ARAP2: variants seen among roughly 807,000 people sequenced by gnomAD.
ARAP2 encodes arf-GAP with Rho-GAP domain, ANK repeat and PH domain-containing protein 2.
Under a neutral mutation model 194.5 loss-of-function variants are expected in ARAP2, and 148 were observed. The observed-to-expected ratio is 0.76, with a 90% CI of 0.67 to 0.87. The LOEUF (loss-of-function observed/expected upper bound fraction) is 0.87, where lower values mean the gene tolerates loss of function less well. ARAP2 is among the 40% of genes least tolerant of loss of function. The probability of loss-of-function intolerance (pLI) is 0.00; values close to 1 mark genes in which losing one functional copy is unlikely to be tolerated. For synonymous variants in ARAP2, 695 were observed against 683.5 expected, an observed-to-expected ratio of 1.02 and a Z score of -0.26; for missense variants, 2,128 against 1,989.7, an observed-to-expected ratio of 1.07 and a Z score of -1.32.
rs148118555 is a variant in ARAP2 at position 36,118,940 on chromosome 4, A to G, written c.3963+710T>C. 4.5e-4 allele frequency among the ~76,000 whole-genome samples: 68 copies of G among 151,568 alleles called. 1 individual carries two copies. The highest frequency in any genetic ancestry group is 1.2e-3 in the African/African-American group (51 of 41,504). ...GGAGAATTTAATGTCTGACTAACAAAAAAGCATTTGCCTCATTATGTATCT... is the reference window on the plus strand; with the variant it reads ...GGAGAATTTAATGTCTGACTAACAAGAAAGCATTTGCCTCATTATGTATCT... On this transcript the variant is annotated intron_variant, in intron 24 of 32. Coordinates refer to ENST00000303965, the MANE Select transcript of ARAP2 (RefSeq NM_015230.4).
At chr4:36,020,246 A>C (rs1018295283) in intron 5 of ARAP2, among the ~76,000 whole-genome samples, 1 of 152,190 alleles carries the variant, frequency 6.6e-6, no homozygotes, top group African/African-American at 2.4e-5. Flanking sequence ...CCCCGCCTCT[A>C]TTAAAAATAC....
Position 36,147,305 on chromosome 4 carries a change from T to C in ARAP2, c.3254A>G (p.Glu1085Gly). ...GCAAAAAGGCACTTACCTCCCTTTT[T>C]CTACCAAGAGTAAAACATCCAGTTT... Reference protein sequence around the residue: ...GEKLDVLLLVEKGRTLYIHGH... With the variant: ...GEKLDVLLLVGKGRTLYIHGH... The change falls in exon 19 of 33, where the codon GAA (glutamate) becomes GGA (glycine). Residue 1085 changes from glutamate (E) to glycine (G), a missense_variant. By Grantham distance (98) the Glu-to-Gly change is moderately conservative. Coordinates refer to ENST00000303965, the MANE Select transcript of ARAP2 (RefSeq NM_015230.4). The C allele has an allele frequency of 6.2e-7, 1 of 1,612,942 alleles. No individual in the cohort carries two copies. Among genetic ancestry groups the C allele is most frequent in the Non-Finnish European group, 8.5e-7 (1 of 1,179,164 alleles).
Position 36,141,397 on chromosome 4 carries a change from C to T in ARAP2, c.3263+5899G>A, listed in dbSNP as rs114887135. Among the ~76,000 whole-genome samples, 434 of 151,734 alleles carry T rather than the reference C, an allele frequency of 2.9e-3. 2 individuals carry two copies. Among genetic ancestry groups the T allele is most frequent in the African/African-American group, 9.6e-3 (399 of 41,464 alleles). ...AGTATACAAGGAATACACATTAAAA[C>T]GACACCATCTGGAACACCTTCTGTT... On this transcript the variant is annotated intron_variant, in intron 19 of 32. Coordinates refer to ENST00000303965, the MANE Select transcript of ARAP2 (RefSeq NM_015230.4).
chr4:36,091,861 C>T lies in ARAP2; in HGVS notation c.4425+20G>A, dbSNP rs139420010. ...TAATACCCACACAAATAAAAATGTA[C>T]GCATGTTCAAATACTATACCTTCAC... is the stretch of plus-strand genomic sequence containing the variant. On this transcript the variant is annotated intron_variant, in intron 28 of 32. Coordinates refer to ENST00000303965, the MANE Select transcript of ARAP2 (RefSeq NM_015230.4). The T allele has an allele frequency of 2.6e-5, 41 of 1,553,002 alleles. No homozygotes were observed. The East Asian group carries it at 5.0e-4, about 19-fold the overall frequency.
chr4:36,210,840 A>G (rs947233111), intron 5 of ARAP2, 97 bp from the exon 6 acceptor site: 10 of 917,354 alleles, frequency 1.1e-5, no homozygotes, highest in Non-Finnish European at 1.5e-5. Context: ...TAACAGAAAC[A>G]TAAGGCCAGG....
At chr4:36,171,521 G>A (rs1736625752) in intron 9 of ARAP2, among the ~76,000 whole-genome samples, 1 of 151,992 alleles carries the variant, frequency 6.6e-6, no homozygotes, top group Admixed American at 6.6e-5. Flanking sequence ...GGACTGTTGT[G>A]GGGTGGGGGG....
intron 2 of ARAP2, among the ~76,000 whole-genome samples, chr4:36,223,484 A>G (rs1289832042): frequency 6.6e-6 from 1 of 152,162 alleles, no homozygotes; most frequent in East Asian, 1.9e-4. Flanking sequence ...CTTTGAAAAT[A>G]CCTAAATTCT....
At chr4:36,151,351 T>C (rs1020335962) in intron 15 of ARAP2, among the ~76,000 whole-genome samples, 3 of 152,110 alleles carry the variant, frequency 2.0e-5, no homozygotes, top group African/African-American at 7.2e-5. Context: ...GAATAAAATG[T>C]CTGTAGAGTA....
At chr4:36,149,311 C>G (rs1022673454) in intron 16 of ARAP2, among the ~76,000 whole-genome samples, 2 of 151,798 alleles carry the variant, frequency 1.3e-5, no homozygotes, top group Middle Eastern at 3.4e-3. Flanking sequence ...CAACTCTTGT[C>G]CAGTCAGTCA....
chr4:36,176,116 T>G (rs1737851488), intron 9 of ARAP2, among the ~76,000 whole-genome samples: 5 of 152,172 alleles, frequency 3.3e-5, no homozygotes, highest in Admixed American at 2.0e-4. Context: ...AAAAAGGAAG[T>G]TTGTAGAGTG....
intron 30 of ARAP2, 66 bp downstream of exon 30, chr4:36,082,184 GA>G (rs1440004727): frequency 6.9e-7 from 1 of 1,442,414 alleles, no homozygotes; most frequent in African/African-American, 1.4e-5. Context: ...TGCAATTACT[GA>G]AATTATTCTT....
chr4:36,131,055 A>G (rs1289964177), intron 20 of ARAP2, among the ~76,000 whole-genome samples: 1 of 151,870 alleles, frequency 6.6e-6, no homozygotes, highest in East Asian at 1.9e-4. Context: ...TGACACAATG[A>G]GCACAGAAAA....
intron 8 of ARAP2, among the ~76,000 whole-genome samples, chr4:36,185,286 C>A (rs900061720): frequency 6.6e-6 from 1 of 152,200 alleles, no homozygotes; most frequent in African/African-American, 2.4e-5. Context: ...TTTTATGTTA[C>A]ATCTATACAC....
At chr4:36,183,535 C>G (rs1472996759) in intron 8 of ARAP2, among the ~76,000 whole-genome samples, 2 of 152,120 alleles carry the variant, frequency 1.3e-5, no homozygotes, top group Non-Finnish European at 2.9e-5. Context: ...ACTGTGCACT[C>G]AAAACATCAC....
chr4:36,043,843 G>GGGGAGGGGA (rs1491153869), intron 5 of ARAP2, among the ~76,000 whole-genome samples: 1 of 42,538 alleles, frequency 2.4e-5, no homozygotes, highest in Non-Finnish European at 4.8e-5. Context: ...GGGGAGGGGA[G>GGGGAGGGGA]GGGGGAGGGG....
intron 5 of ARAP2, among the ~76,000 whole-genome samples, chr4:36,037,060 T>C (rs975969058): frequency 6.6e-6 from 1 of 152,188 alleles, no homozygotes. Context: ...TCATACAGCA[T>C]GGTTTCTAGT....
chr4:36,179,656 T>C (rs1333240964), intron 8 of ARAP2, among the ~76,000 whole-genome samples: 1 of 151,898 alleles, frequency 6.6e-6, no homozygotes, highest in East Asian at 1.9e-4. Flanking sequence ...GAATCACGAG[T>C]AGTAAAAGCT....
chr4:36,101,889 G>A (rs1170220301), intron 27 of ARAP2, among the ~76,000 whole-genome samples: 12 of 151,876 alleles, frequency 7.9e-5, no homozygotes, highest in Admixed American at 6.6e-4. Context: ...ATAACAATAC[G>A]TGTCCAGGTG....
Position 36,187,620 on chromosome 4 carries a change from T to G in ARAP2, c.1558-49A>C, listed in dbSNP as rs199994580. 12 of 1,465,444 alleles carry G rather than the reference T, an allele frequency of 8.2e-6. No individual in the cohort carries two copies. In the East Asian group the frequency reaches 3.0e-4, roughly 37 times the overall value. 90.8% of individuals were successfully genotyped at this position (1,465,444 alleles called of 1,614,324 possible). On this transcript the variant is annotated intron_variant, in intron 7 of 32. Transcript: ENST00000303965. ...AAGACATATGAAAACGAAATTCTCT[T>G]GATCTTATCAAAAAAGAATGGCACA...
Sources: allele counts gnomAD v4.1 joint callset (sites outside exome capture counted in the v4.1 genomes callset), GRCh38; gene constraint gnomAD v4.1.1; transcripts MANE v1.5; gene names NCBI Gene and HGNC (gene_info 2026-07-23, HGNC 2026-07-21).